PCDH7: variants seen among roughly 807,000 people sequenced by gnomAD.
PCDH7 encodes the protein protocadherin 7.
PCDH7 carries 17 observed loss-of-function variants against 58.9 expected under a neutral mutation model. The ratio of observed to expected loss-of-function variants is 0.29; its 90% CI spans 0.20 to 0.43. PCDH7 has a LOEUF of 0.43. Ranked by LOEUF, PCDH7 falls within the 20% of genes least tolerant of loss-of-function variation. PCDH7 has a pLI of 1.00. For missense variants in PCDH7, 1,274 were observed against 1,441.0 expected, an observed-to-expected ratio of 0.88 and a Z score of 1.88; for synonymous variants, 664 against 616.4, an observed-to-expected ratio of 1.08 and a Z score of -1.14.
intron 3 of PCDH7, among the ~76,000 whole-genome samples, chr4:31,056,681 G>A (rs1284857542): frequency 6.6e-6 from 1 of 151,232 alleles, no homozygotes; most frequent in African/African-American, 2.4e-5. Flanking sequence ...AAGAGAAAGA[G>A]AGAGGAGAGA....
chr4:30,933,538 C>T (rs1744950129), intron 2 of PCDH7, among the ~76,000 whole-genome samples: 1 of 152,120 alleles, frequency 6.6e-6, no homozygotes, highest in Non-Finnish European at 1.5e-5. Context: ...AAGGATTTTG[C>T]ATATTCTTTC....
chr4:30,929,897 C>G (rs13127450), intron 2 of PCDH7, among the ~76,000 whole-genome samples: 1 of 151,940 alleles, frequency 6.6e-6, no homozygotes, highest in Non-Finnish European at 1.5e-5. Context: ...GCCAAAGGTC[C>G]TAGCAGCTAT....
chr4:30,770,419 G>T (rs1721253376), intron 1 of PCDH7, among the ~76,000 whole-genome samples: 1 of 152,276 alleles, frequency 6.6e-6, no homozygotes, highest in African/African-American at 2.4e-5. Flanking sequence ...ATAAGAAATA[G>T]CTTGAGTGTC....
chr4:30,783,627 C>A (rs1723057702), intron 1 of PCDH7, among the ~76,000 whole-genome samples: 1 of 152,074 alleles, frequency 6.6e-6, no homozygotes, highest in Admixed American at 6.6e-5. Flanking sequence ...TTTTCAGGGT[C>A]ACAGATAAAG....
At chr4:31,039,152 G>T (rs1288634080) in intron 3 of PCDH7, among the ~76,000 whole-genome samples, 1 of 151,912 alleles carries the variant, frequency 6.6e-6, no homozygotes, top group Non-Finnish European at 1.5e-5. Flanking sequence ...GTGGTTTAAA[G>T]CTCCAAAATC....
Position 30,845,873 on chromosome 4 carries a change from G to A in PCDH7, c.71-74280G>A, listed in dbSNP as rs144171187. Among the ~76,000 whole-genome samples, 997 of 152,198 alleles carry A rather than the reference G, an allele frequency of 6.6e-3. 6 individuals are homozygous for A. Among genetic ancestry groups the A allele is most frequent in the Middle Eastern group, 0.01 (3 of 294 alleles). On this transcript the variant is annotated intron_variant, in intron 1 of 3. Coordinates refer to the PCDH7 transcript ENST00000509759. ...CTCCCAAAGTGTTGGGATTACAGGTGTAAACCACCACACTTGGCCTCTCTA... is the reference window on the plus strand; with the variant it reads ...CTCCCAAAGTGTTGGGATTACAGGTATAAACCACCACACTTGGCCTCTCTA...
At chr4:31,095,583 T>C (rs551938965) in intron 3 of PCDH7, among the ~76,000 whole-genome samples, 1 of 152,240 alleles carries the variant, frequency 6.6e-6, no homozygotes, top group African/African-American at 2.4e-5. Flanking sequence ...ATAATTTCAG[T>C]ATAGATATTT....
chr4:30,947,634 A>T (rs1313990004), intron 2 of PCDH7, among the ~76,000 whole-genome samples: 3 of 152,214 alleles, frequency 2.0e-5, no homozygotes, highest in Non-Finnish European at 2.9e-5. Context: ...CATATAGTAT[A>T]TAGTAATCAC....
chr4:31,106,023 A>AT (rs34357233), intron 3 of PCDH7, among the ~76,000 whole-genome samples: 32,847 of 148,650 alleles, frequency 0.22, 3,860 homozygotes, highest in African/African-American at 0.29. Context: ...AGAAAAAAAA[A>AT]ATATATATAT....
chr4:30,879,802 T>C (rs73106202), intron 1 of PCDH7, among the ~76,000 whole-genome samples: 2,176 of 152,228 alleles, frequency 0.014, 52 homozygotes, highest in African/African-American at 0.048. Flanking sequence ...CACAGTAGCA[T>C]CCCTTGTTTC....
At chr4:30,908,069 G>T (rs1019316742) in intron 1 of PCDH7, among the ~76,000 whole-genome samples, 1 of 151,942 alleles carries the variant, frequency 6.6e-6, no homozygotes. Context: ...TGGACACAGG[G>T]CAGGGAACAC....
At chr4:30,749,159 A>C (rs1404173268) in intron 1 of PCDH7, among the ~76,000 whole-genome samples, 1 of 152,230 alleles carries the variant, frequency 6.6e-6, no homozygotes, top group Non-Finnish European at 1.5e-5. Context: ...CTCCTTCTAA[A>C]ACAAAAGAAA....
chr4:31,132,262 C>A (rs1441561988), intron 3 of PCDH7, among the ~76,000 whole-genome samples: 1 of 152,050 alleles, frequency 6.6e-6, no homozygotes, highest in East Asian at 1.9e-4. Flanking sequence ...ATATCTATTA[C>A]ATTTTTTCAA....
intron 3 of PCDH7, among the ~76,000 whole-genome samples, chr4:31,056,521 AAG>A (rs202028321): frequency 9.6e-5 from 9 of 93,916 alleles, no homozygotes; most frequent in East Asian, 6.5e-4. Context: ...AAGAAAGGGG[AAG>A]GGAAGGGAAG....
intron 3 of PCDH7, among the ~76,000 whole-genome samples, chr4:31,104,006 G>A (rs766255376): frequency 4.6e-5 from 7 of 152,182 alleles, no homozygotes; most frequent in East Asian, 1.9e-4. Context: ...TGTAATGCTC[G>A]CTGTACCCCC....
chr4:30,874,306 C>A (rs970195611), intron 1 of PCDH7, among the ~76,000 whole-genome samples: 1 of 151,922 alleles, frequency 6.6e-6, no homozygotes, highest in African/African-American at 2.4e-5. Flanking sequence ...AAACGTCCAA[C>A]AATGATAGAC....
intron 1 of PCDH7, among the ~76,000 whole-genome samples, chr4:30,904,821 G>C (rs1384946480): frequency 6.6e-6 from 1 of 152,080 alleles, no homozygotes; most frequent in African/African-American, 2.4e-5. Flanking sequence ...AAAAGGTTTG[G>C]GTGCCAAAGT....
intron 1 of PCDH7, among the ~76,000 whole-genome samples, chr4:30,762,009 T>G (rs985293611): frequency 6.6e-6 from 1 of 152,180 alleles, no homozygotes; most frequent in African/African-American, 2.4e-5. Flanking sequence ...CAGGCTTTTC[T>G]CCAATGTTAA....
chr4:31,034,717 C>T (rs6830043), intron 3 of PCDH7, among the ~76,000 whole-genome samples: 5 of 152,052 alleles, frequency 3.3e-5, no homozygotes, highest in Admixed American at 1.3e-4. Context: ...ATAATCTCGC[C>T]GTCTGTTTCA....
Sources: gnomAD v4.1 joint callset for allele counts (sites outside exome capture counted in the v4.1 genomes callset) on GRCh38, gnomAD v4.1.1 for gene constraint, MANE v1.5 for transcripts, NCBI Gene and HGNC (gene_info 2026-07-23, HGNC 2026-07-21) for gene names.